PDE1C: variants seen among roughly 807,000 people sequenced by gnomAD.
PDE1C encodes dual specificity calcium/calmodulin-dependent 3',5'-cyclic nucleotide phosphodiesterase 1C.
Under a neutral mutation model 93.1 loss-of-function variants are expected in PDE1C, and 62 were observed. The ratio of observed to expected loss-of-function variants is 0.67; its 90% CI spans 0.54 to 0.82. The LOEUF (loss-of-function observed/expected upper bound fraction) is 0.82. PDE1C is among the 40% of genes least tolerant of loss of function. The pLI, the probability that PDE1C is intolerant of heterozygous loss-of-function variation, is 0.00. For synonymous variants in PDE1C, 325 were observed against 310.1 expected (o/e 1.05, Z -0.50); for missense variants, 742 against 884.6 (o/e 0.84, Z 2.04).
chr7:31,773,105 C>T (rs1313692974), intron 17 of PDE1C, among the ~76,000 whole-genome samples: 1 of 152,238 alleles, frequency 6.6e-6, no homozygotes, highest in Non-Finnish European at 1.5e-5. Flanking sequence ...AGCTTCTGTC[C>T]TGTAGTGTCA....
In PDE1C at chr7:32,055,573, T is replaced by C. The variant is rs192673546; in HGVS notation, c.102-3993A>G. Reference sequence around the variant, plus strand: ...GACACTAGATAAAACCAAAATAAAATTAATAACAATAAAACATACTGCATT... The same window carrying C: ...GACACTAGATAAAACCAAAATAAAACTAATAACAATAAAACATACTGCATT... On this transcript the variant is annotated intron_variant, in intron 1 of 17. Coordinates refer to ENST00000396191, the MANE Select transcript of PDE1C (RefSeq NM_001191057.4). Among the ~76,000 whole-genome samples, 580 of 151,736 alleles carry C rather than the reference T, an allele frequency of 3.8e-3. 6 individuals carry two copies. Among genetic ancestry groups the C allele is most frequent in the Middle Eastern group, 0.02 (6 of 294 alleles).
chr7:31,736,192 C>G, the PDE1C span, among the ~76,000 whole-genome samples: 1 of 152,168 alleles, frequency 6.6e-6, no homozygotes, highest in Admixed American at 6.6e-5. Context: ...GACGCACTCT[C>G]GTTCCAGGTC....
At chr7:32,343,984 A>T (rs999316245) in intron 1 of PDE1C, among the ~76,000 whole-genome samples, 1 of 152,248 alleles carries the variant, frequency 6.6e-6, no homozygotes, top group African/African-American at 2.4e-5. Flanking sequence ...ACTTCAGGAA[A>T]ATGTAACTAT....
chr7:32,190,193 G>A (rs1289307478), intron 2 of PDE1C, among the ~76,000 whole-genome samples: 3 of 152,220 alleles, frequency 2.0e-5, no homozygotes, highest in Admixed American at 6.5e-5. Flanking sequence ...AGCTGCAAAT[G>A]TAAGAATTTC....
chr7:31,886,776 A>ATTCAGAATAGATCTTTTCAGATCTT (rs1797938100), intron 2 of PDE1C, among the ~76,000 whole-genome samples: 2 of 36,286 alleles, frequency 5.5e-5, no homozygotes, highest in African/African-American at 8.3e-5. Context: ...ATTCAGATCT[A>ATTCAGAATAGATCTTTTCAGATCTT]TTCAGAATAG....
chr7:31,864,076 A>G (rs1021030097), intron 7 of PDE1C, among the ~76,000 whole-genome samples: 4 of 152,238 alleles, frequency 2.6e-5, no homozygotes, highest in Admixed American at 2.0e-4. Flanking sequence ...TTTCGAAGTA[A>G]AAATTCATAC....
chr7:31,880,603 T>A (rs1797121618), intron 3 of PDE1C, 144 bp downstream of exon 3: 2 of 597,968 alleles, frequency 3.3e-6, no homozygotes, highest in Admixed American at 3.1e-5. Flanking sequence ...TCCAAATCTA[T>A]CCTCTTTGTT....
intron 1 of PDE1C, among the ~76,000 whole-genome samples, chr7:32,243,081 A>G (rs142578666): frequency 1.9e-3 from 287 of 152,334 alleles, no homozygotes; most frequent in African/African-American, 6.6e-3. Context: ...GTGGACACCC[A>G]GGGACAGACA....
intron 16 of PDE1C, chr7:31,786,703 T>A (rs1783978658): frequency 6.6e-6 from 1 of 152,182 alleles, no homozygotes. Context: ...ATTCCCTAAA[T>A]TCTCTTTATT....
chr7:31,992,916 G>T (rs1784305470), intron 2 of PDE1C, among the ~76,000 whole-genome samples: 2 of 152,038 alleles, frequency 1.3e-5, no homozygotes, highest in Admixed American at 1.3e-4. Flanking sequence ...TTTCCATTCT[G>T]CACTGGCATT....
rs1583759152 is a variant in PDE1C, at chr7:31,880,939, C to T, written c.129-79G>A. ...CCTACAACTATGGTGATACATTTTA[C>T]AGTCATCGAATATTCTCACTTATTC... On this transcript the variant is annotated intron_variant, in intron 2 of 17. Transcript: ENST00000396191. The T allele has an allele frequency of 5.6e-6, 5 of 896,266 alleles. No homozygotes were observed. In the Admixed American group the frequency reaches 5.9e-5, roughly 11 times the overall value. 55.5% of individuals were successfully genotyped at this position (896,266 alleles called of 1,614,324 possible).
At chr7:31,621,530 A>G in the PDE1C span, among the ~76,000 whole-genome samples, 1 of 147,612 alleles carries the variant, frequency 6.8e-6, no homozygotes, top group Non-Finnish European at 1.5e-5. Context: ...AAGGAGAAAT[A>G]AAATACTTTG....
chr7:32,415,136 G>A (rs983461855), intron 1 of PDE1C, among the ~76,000 whole-genome samples: 17 of 152,140 alleles, frequency 1.1e-4, no homozygotes, highest in African/African-American at 4.1e-4. Context: ...GGGCAACCTA[G>A]CAAGACTCCT....
At chr7:31,741,792 G>A in the PDE1C span, among the ~76,000 whole-genome samples, 51 of 152,292 alleles carry the variant, frequency 3.3e-4, no homozygotes, top group African/African-American at 1.2e-3. Context: ...TGACTGGCAT[G>A]AAAGGCATAA....
At chr7:31,797,178 C>T (rs1785405274) in intron 16 of PDE1C, among the ~76,000 whole-genome samples, 1 of 151,652 alleles carries the variant, frequency 6.6e-6, no homozygotes, top group South Asian at 2.1e-4. Context: ...GGATATTAGT[C>T]AGAATTTGTG....
intron 2 of PDE1C, among the ~76,000 whole-genome samples, chr7:32,201,605 T>A (rs1805018071): frequency 6.6e-6 from 1 of 152,116 alleles, no homozygotes; most frequent in Admixed American, 6.5e-5. Flanking sequence ...AAGTGGCTGC[T>A]CTGCATGAGA....
rs149010330 is a variant in PDE1C at position 32,180,759 on chromosome 7, C to A, written c.137-10803G>T. Among the ~76,000 whole-genome samples, 396 of 152,280 alleles carry A rather than the reference C, an allele frequency of 2.6e-3. 3 individuals carry two copies. Among genetic ancestry groups the A allele is most frequent in the Admixed American group, 3.9e-3 (59 of 15,296 alleles). On this transcript the variant is annotated intron_variant, in intron 2 of 18. Transcript: ENST00000396193. Reference sequence around the variant, plus strand: ...GTGCAGAATTTTCCAAAAACATATACCTCTGGCATTTGTGTTTAAGTTAAA... The same window carrying A: ...GTGCAGAATTTTCCAAAAACATATAACTCTGGCATTTGTGTTTAAGTTAAA...
chr7:32,342,140 G>A (rs1482312436), intron 1 of PDE1C, among the ~76,000 whole-genome samples: 2 of 152,108 alleles, frequency 1.3e-5, no homozygotes, highest in Non-Finnish European at 2.9e-5. Context: ...TTTGAAGAAA[G>A]GTTAGCTGAC....
chr7:32,406,201 G>A lies in PDE1C; in HGVS notation c.310+21621C>T, dbSNP rs530001312. 2.6e-5 allele frequency among the ~76,000 whole-genome samples: 4 copies of A among 152,270 alleles called. No individual in the cohort carries two copies. In the South Asian group the frequency reaches 8.3e-4, roughly 32 times the overall value. ...TCTACCTCTTTCCCCTGCACCATCA[G>A]GCTCCTTCTGGGAATTCTCCACCAC... On this transcript the variant is annotated intron_variant, in intron 1 of 1. Coordinates refer to the PDE1C transcript ENST00000672256.
Sources: gnomAD v4.1 joint callset for allele counts (sites outside exome capture counted in the v4.1 genomes callset) on GRCh38, gnomAD v4.1.1 for gene constraint, MANE v1.5 for transcripts, NCBI Gene and HGNC (gene_info 2026-07-23, HGNC 2026-07-21) for gene names.